Variants in PTPRD observed in about 807,000 individuals in gnomAD.
PTPRD encodes the protein receptor-type tyrosine-protein phosphatase delta.
A neutral mutation model predicts 214.5 loss-of-function variants in PTPRD; 34 were observed. The observed-to-expected ratio is 0.16, with a 90% CI of 0.12 to 0.21. The LOEUF is 0.21. Ranked by LOEUF, PTPRD falls within the 10% of genes least tolerant of loss-of-function variation. The pLI is 1.00. For synonymous variants in PTPRD, 1,128 were observed against 845.7 expected (o/e 1.33, Z -5.79); for missense variants, 2,545 against 2,398.7 (o/e 1.06, Z -1.27).
At chr9:8,556,510 T>A (rs1285926598) in intron 14 of PTPRD, among the ~76,000 whole-genome samples, 1 of 152,136 alleles carries the variant, frequency 6.6e-6, no homozygotes, top group East Asian at 1.9e-4. Context: ...AGCACTTAAT[T>A]AGCAAAGGCT....
At chr9:9,256,337 A>G (rs1036768008) in intron 9 of PTPRD, among the ~76,000 whole-genome samples, 2 of 151,904 alleles carry the variant, frequency 1.3e-5, no homozygotes, top group African/African-American at 2.4e-5. Flanking sequence ...TTTCCTTCAC[A>G]TTTCTTTTAT....
At chr9:10,361,578 C>T (rs1180929216) in intron 2 of PTPRD, among the ~76,000 whole-genome samples, 1 of 152,054 alleles carries the variant, frequency 6.6e-6, no homozygotes, top group Admixed American at 6.6e-5. Flanking sequence ...AATAAGCATT[C>T]AAAATGCACA....
chr9:9,396,281 C>T (rs2067776308), intron 9 of PTPRD, among the ~76,000 whole-genome samples: 2 of 151,988 alleles, frequency 1.3e-5, no homozygotes, highest in Admixed American at 6.6e-5. Flanking sequence ...TTATATACTA[C>T]CTTACTATTT....
At position 9,126,062 on chromosome 9, in the gene PTPRD, G is replaced by T. The variant is rs1302713516; in HGVS notation, c.-143+57242C>A. 2.6e-5 allele frequency among the ~76,000 whole-genome samples: 4 copies of T among 152,294 alleles called. No homozygotes were observed. In the East Asian group the frequency reaches 7.7e-4, roughly 29 times the overall value. On this transcript the variant is annotated intron_variant, in intron 10 of 45. Coordinates refer to ENST00000381196, the MANE Select transcript of PTPRD (RefSeq NM_002839.4). ...CAACCAGGGAAGAATAGTAAGAGAT[G>T]AGATTTACCCTGTTGGTGGTGCCAG...
At chr9:8,747,897 T>C (rs1304325966) in intron 11 of PTPRD, among the ~76,000 whole-genome samples, 1 of 152,164 alleles carries the variant, frequency 6.6e-6, no homozygotes, top group Non-Finnish European at 1.5e-5. Flanking sequence ...CTGCAGGCCA[T>C]ACATTTCAAT....
intron 8 of PTPRD, among the ~76,000 whole-genome samples, chr9:9,505,730 G>T (rs1019394295): frequency 5.3e-5 from 8 of 151,410 alleles, no homozygotes; most frequent in African/African-American, 9.7e-5. Flanking sequence ...TGTTGTTGAT[G>T]TTGTTCTCAT....
intron 11 of PTPRD, among the ~76,000 whole-genome samples, chr9:8,809,695 T>A (rs1261828087): frequency 6.6e-6 from 1 of 152,186 alleles, no homozygotes; most frequent in Non-Finnish European, 1.5e-5. Context: ...ATAGCTGGCA[T>A]AAGGTTTACT....
At chr9:10,201,515 G>A (rs1323115509) in intron 3 of PTPRD, among the ~76,000 whole-genome samples, 2 of 151,962 alleles carry the variant, frequency 1.3e-5, no homozygotes. Flanking sequence ...GTATGCATAG[G>A]AGTATATTTA....
At chr9:10,338,257 G>C (rs1239796878) in intron 3 of PTPRD, among the ~76,000 whole-genome samples, 2 of 151,574 alleles carry the variant, frequency 1.3e-5, no homozygotes, top group Non-Finnish European at 3.0e-5. Flanking sequence ...CTATAGCTCA[G>C]TGCCTGCACA....
chr9:9,400,497 T>C (rs1394557786), intron 8 of PTPRD, among the ~76,000 whole-genome samples: 1 of 152,012 alleles, frequency 6.6e-6, no homozygotes, highest in East Asian at 1.9e-4. Context: ...TAACTGTGGA[T>C]CTAATTCGCT....
At chr9:10,106,632 T>C (rs159226) in intron 3 of PTPRD, among the ~76,000 whole-genome samples, 90,374 of 151,264 alleles carry the variant, frequency 0.6, 27,819 homozygotes, top group Middle Eastern at 0.78. Flanking sequence ...ACCATCTAGA[T>C]GATAGAATCA....
intron 10 of PTPRD, among the ~76,000 whole-genome samples, chr9:9,127,899 C>A (rs2099836527): frequency 6.6e-6 from 1 of 152,144 alleles, no homozygotes; most frequent in Admixed American, 6.5e-5. Context: ...CTAACTTTGC[C>A]AGAATTTGCC....
chr9:10,464,945 T>C (rs1317000902), intron 2 of PTPRD, among the ~76,000 whole-genome samples: 1 of 152,154 alleles, frequency 6.6e-6, no homozygotes, highest in African/African-American at 2.4e-5. Flanking sequence ...GACAAAATGA[T>C]GGTCAAAGAC....
At chr9:8,543,248 AT>A in intron 14 of PTPRD, among the ~76,000 whole-genome samples, 1 of 152,338 alleles carries the variant, frequency 6.6e-6, no homozygotes, top group East Asian at 1.9e-4. Context: ...ACACATTGTT[AT>A]AAATTTGGGA....
intron 9 of PTPRD, among the ~76,000 whole-genome samples, chr9:9,247,656 C>G (rs1028127614): frequency 2.0e-5 from 3 of 152,056 alleles, no homozygotes; most frequent in African/African-American, 7.2e-5. Flanking sequence ...AGGCCCGACT[C>G]ACATGCTTTC....
intron 2 of PTPRD, among the ~76,000 whole-genome samples, chr9:10,376,447 T>C (rs1285608239): frequency 6.6e-6 from 1 of 151,654 alleles, no homozygotes; most frequent in African/African-American, 2.4e-5. Flanking sequence ...GCTTGCCTTC[T>C]AGAGGGGCCT....
At chr9:10,347,501 C>A (rs767316608) in intron 2 of PTPRD, among the ~76,000 whole-genome samples, 2 of 151,268 alleles carry the variant, frequency 1.3e-5, no homozygotes, top group Non-Finnish European at 2.9e-5. Context: ...ACCTCTGCCC[C>A]CTGGGTTCAA....
chr9:9,535,248 G>A (rs760398954), intron 8 of PTPRD, among the ~76,000 whole-genome samples: 1 of 152,050 alleles, frequency 6.6e-6, no homozygotes, highest in Non-Finnish European at 1.5e-5. Flanking sequence ...GACTGAAGAT[G>A]TAAACGATTC....
intron 7 of PTPRD, among the ~76,000 whole-genome samples, chr9:9,655,449 G>T (rs1024553890): frequency 2.7e-5 from 4 of 149,484 alleles, no homozygotes; most frequent in African/African-American, 9.8e-5. Flanking sequence ...TGTGTTTGTG[G>T]TCCCAGCTAC....
Sources: gnomAD v4.1 joint callset for allele counts (sites outside exome capture counted in the v4.1 genomes callset) on GRCh38, gnomAD v4.1.1 for gene constraint, MANE v1.5 for transcripts, NCBI Gene and HGNC (gene_info 2026-07-23, HGNC 2026-07-21) for gene names.